The following KHDRBS2 variants were observed in gnomAD, a reference collection of about 807,000 sequenced individuals.
The protein encoded by KHDRBS2 is KH domain-containing, RNA-binding, signal transduction-associated protein 2.
Under a neutral mutation model 44.3 loss-of-function variants are expected in KHDRBS2, and 26 were observed. The ratio of observed to expected loss-of-function variants is 0.59; its 90% CI spans 0.43 to 0.81. The LOEUF is 0.81. KHDRBS2 is among the 40% of genes least tolerant of loss of function. The pLI is 0.00. For synonymous variants in KHDRBS2, 194 were observed against 151.1 expected (o/e 1.28, Z -2.08); for missense variants, 476 against 433.1 (o/e 1.10, Z -0.88).
chr6:61,897,450 T>C (rs1468963274), intron 5 of KHDRBS2, among the ~76,000 whole-genome samples: 2 of 152,152 alleles, frequency 1.3e-5, no homozygotes, highest in Non-Finnish European at 2.9e-5. Flanking sequence ...AGAATAATTA[T>C]ATTCTTCATT....
At chr6:61,566,547 C>T in the KHDRBS2 span, among the ~76,000 whole-genome samples, 6 of 152,082 alleles carry the variant, frequency 3.9e-5, no homozygotes, top group African/African-American at 1.4e-4. Flanking sequence ...GTAATCACCA[C>T]ACATAATGAA....
chr6:61,663,351 G>A, the KHDRBS2 span, among the ~76,000 whole-genome samples: 8 of 146,758 alleles, frequency 5.5e-5, no homozygotes, highest in African/African-American at 2.0e-4. Flanking sequence ...GTATACATAT[G>A]TAACAAACCT....
downstream of KHDRBS2, among the ~76,000 whole-genome samples, chr6:61,679,664 A>C (rs1364809744): frequency 6.6e-6 from 1 of 152,004 alleles, no homozygotes; most frequent in Non-Finnish European, 1.5e-5. Flanking sequence ...GAGGTTGAAT[A>C]GCAACAACTG....
chr6:61,642,824 C>G, the KHDRBS2 span, among the ~76,000 whole-genome samples: 6 of 152,038 alleles, frequency 3.9e-5, no homozygotes, highest in Non-Finnish European at 8.8e-5. Context: ...AATCAATATA[C>G]GTCTCATAAG....
intron 1 of KHDRBS2, among the ~76,000 whole-genome samples, chr6:62,238,450 T>C (rs892850191): frequency 6.6e-6 from 1 of 152,186 alleles, no homozygotes; most frequent in African/African-American, 2.4e-5. Flanking sequence ...AAACATGCTA[T>C]ATTTAAAAGG....
chr6:62,031,859 T>C (rs562472507), intron 3 of KHDRBS2, among the ~76,000 whole-genome samples: 1 of 152,096 alleles, frequency 6.6e-6, no homozygotes, highest in South Asian at 2.1e-4. Context: ...CACCTGCTGA[T>C]TGTAGAACCC....
At chr6:61,888,143 TC>T (rs1801242913) in intron 6 of KHDRBS2, among the ~76,000 whole-genome samples, 1 of 152,232 alleles carries the variant, frequency 6.6e-6, no homozygotes, top group South Asian at 2.1e-4. Context: ...AATTAGTGTC[TC>T]CCCATATTGT....
At chr6:61,686,699 A>G (rs1206486774) in intron 8 of KHDRBS2, among the ~76,000 whole-genome samples, 7 of 149,954 alleles carry the variant, frequency 4.7e-5, no homozygotes, top group East Asian at 3.9e-4. Context: ...TGAGGAAACT[A>G]TGACTCAGAA....
In KHDRBS2 at chr6:62,077,930, C is replaced by T. The variant is rs183052521; in HGVS notation, c.220-29936G>A. Among the ~76,000 whole-genome samples the T allele has an allele frequency of 3.8e-3, 581 of 152,076 alleles. 2 individuals are homozygous for T. Among genetic ancestry groups the T allele is most frequent in the African/African-American group, 0.014 (562 of 41,516 alleles). On this transcript the variant is annotated intron_variant, in intron 2 of 8. Coordinates refer to ENST00000281156, the MANE Select transcript of KHDRBS2 (RefSeq NM_152688.4). ...TAGCATCTCCTCTGATTTAAAAAAT[C>T]CATTAAGAAATACAATGTTTGTCTT...
At chr6:61,781,721 C>A (rs973169306) in intron 6 of KHDRBS2, among the ~76,000 whole-genome samples, 24 of 152,030 alleles carry the variant, frequency 1.6e-4, no homozygotes, top group Admixed American at 5.3e-4. Flanking sequence ...TACATTATAA[C>A]CATTAACTAA....
At chr6:61,653,757 G>T in the KHDRBS2 span, among the ~76,000 whole-genome samples, 15 of 151,974 alleles carry the variant, frequency 9.9e-5, no homozygotes, top group African/African-American at 3.6e-4. Context: ...TAGTTACTTG[G>T]CTTAGAATTT....
chr6:61,773,465 C>A (rs1292197895), intron 6 of KHDRBS2, among the ~76,000 whole-genome samples: 1 of 152,026 alleles, frequency 6.6e-6, no homozygotes, highest in Non-Finnish European at 1.5e-5. Context: ...TGTTCATATC[C>A]TTTGCCCACT....
At chr6:62,112,994 AT>A (rs886801191) in intron 2 of KHDRBS2, among the ~76,000 whole-genome samples, 3 of 151,950 alleles carry the variant, frequency 2.0e-5, no homozygotes, top group Admixed American at 6.6e-5. Flanking sequence ...GCTACCTATC[AT>A]TTTTTTTAAA....
chr6:61,843,310 A>G (rs1793875289), intron 6 of KHDRBS2, among the ~76,000 whole-genome samples: 1 of 150,566 alleles, frequency 6.6e-6, no homozygotes, highest in Non-Finnish European at 1.5e-5. Context: ...TTTTAGAATG[A>G]CAAATGGCAT....
intron 6 of KHDRBS2, among the ~76,000 whole-genome samples, chr6:61,772,390 T>C (rs945478663): frequency 2.0e-5 from 3 of 152,100 alleles, no homozygotes; most frequent in African/African-American, 4.8e-5. Flanking sequence ...AGCTGCTTTT[T>C]TGAAAAGATC....
intron 7 of KHDRBS2, among the ~76,000 whole-genome samples, chr6:61,699,572 AGAAGG>A (rs1450352180): frequency 5.3e-5 from 8 of 152,156 alleles, no homozygotes; most frequent in Admixed American, 2.0e-4. Flanking sequence ...AAGGAACGAC[AGAAGG>A]GCCTAAAATT....
the KHDRBS2 span, among the ~76,000 whole-genome samples, chr6:61,574,866 C>T: frequency 6.6e-6 from 1 of 152,100 alleles, no homozygotes; most frequent in Non-Finnish European, 1.5e-5. Flanking sequence ...AGAGATCATG[C>T]CATTGCACTC....
intron 8 of KHDRBS2, among the ~76,000 whole-genome samples, chr6:61,682,232 T>C (rs997071385): frequency 3.3e-5 from 5 of 151,826 alleles, no homozygotes; most frequent in Admixed American, 2.6e-4. Context: ...AACAATCTAC[T>C]ATGTAGAAAA....
intron 6 of KHDRBS2, among the ~76,000 whole-genome samples, chr6:61,776,340 C>T (rs1781994257): frequency 6.6e-6 from 1 of 152,242 alleles, no homozygotes; most frequent in East Asian, 1.9e-4. Flanking sequence ...AAACTACCAT[C>T]AGAGTGAACA....
Sources: allele counts gnomAD v4.1 joint callset (sites outside exome capture counted in the v4.1 genomes callset), GRCh38; gene constraint gnomAD v4.1.1; transcripts MANE v1.5; gene names NCBI Gene and HGNC (gene_info 2026-07-23, HGNC 2026-07-21).